The following NRG1 variants were observed in gnomAD, a reference collection of about 807,000 sequenced individuals.
NRG1 encodes neuregulin 1.
In NRG1, 18 loss-of-function variants were observed where a neutral mutation model predicts 63.8. That is an observed-to-expected ratio of 0.28 (90% CI 0.19 to 0.42). NRG1 has a LOEUF of 0.42. NRG1 is among the 10% of genes least tolerant of loss of function. NRG1 has a pLI of 1.00. For missense variants in NRG1, 762 were observed against 814.7 expected (o/e 0.94, Z 0.79); for synonymous variants, 302 against 301.3 (o/e 1.00, Z -0.02).
chr8:32,558,977 G>C lies in NRG1; in HGVS notation c.100+10151G>C, dbSNP rs139882842. On this transcript the variant is annotated intron_variant, in intron 1 of 11. Transcript: ENST00000356819. ...TGCCTGTGGTCCAGCTGTTAAGGAG[G>C]GTGAGATGGGAGGATCACTTGAGCC... Among the ~76,000 whole-genome samples, 36 of 151,116 alleles carry C rather than the reference G, an allele frequency of 2.4e-4. No individual in the cohort carries two copies. In the East Asian group the frequency reaches 6.9e-3, roughly 29 times the overall value.
chr8:32,299,006 A>G (rs577700097), intron 1 of NRG1, among the ~76,000 whole-genome samples: 1 of 146,958 alleles, frequency 6.8e-6, no homozygotes, highest in South Asian at 2.2e-4. Flanking sequence ...CAGCCTGGGG[A>G]CAAAGTTAGA....
chr8:32,511,312 C>A (rs1829170767), intron 1 of NRG1, among the ~76,000 whole-genome samples: 1 of 147,518 alleles, frequency 6.8e-6, no homozygotes, highest in Admixed American at 6.7e-5. Flanking sequence ...CACACACACA[C>A]ATTTACAAAT....
intron 1 of NRG1, among the ~76,000 whole-genome samples, chr8:32,021,857 G>A (rs930981248): frequency 6.6e-6 from 1 of 152,072 alleles, no homozygotes; most frequent in Non-Finnish European, 1.5e-5. Context: ...TGAAAATAAT[G>A]TTAACATTTT....
At chr8:32,709,927 C>A (rs1466706068) in intron 5 of NRG1, among the ~76,000 whole-genome samples, 1 of 152,094 alleles carries the variant, frequency 6.6e-6, no homozygotes, top group Non-Finnish European at 1.5e-5. Context: ...CAGTTATTTG[C>A]CATTAGTAAA....
chr8:31,844,707 A>G (rs576723767), intron 1 of NRG1, among the ~76,000 whole-genome samples: 7 of 152,288 alleles, frequency 4.6e-5, no homozygotes, highest in African/African-American at 7.2e-5. Flanking sequence ...ACCTACCCCC[A>G]AAAGGTTGCA....
At position 32,272,967 on chromosome 8, in the gene NRG1, G is replaced by T. The variant is rs371502157; in HGVS notation, c.38-322861G>T. The stretch of plus-strand genomic sequence containing the variant: ...CATATTTATTGAAGTTCAGAGGGCT[G>T]GAGCGTTGTTTTTTGATTGACAAAA... On this transcript the variant is annotated intron_variant, in intron 1 of 10. Transcript: ENST00000519301. Among the ~76,000 whole-genome samples, 13 of 152,262 alleles carry T rather than the reference G, an allele frequency of 8.5e-5. 1 individual carries two copies. The East Asian group carries it at 1.4e-3, about 16-fold the overall frequency.
At chr8:32,669,523 TAA>T (rs1246981019) in intron 5 of NRG1, among the ~76,000 whole-genome samples, 1 of 152,196 alleles carries the variant, frequency 6.6e-6, no homozygotes, top group African/African-American at 2.4e-5. Context: ...ACCCAATGGC[TAA>T]CCGTGTCTAG....
At chr8:31,827,545 A>G (rs1824691461) in intron 1 of NRG1, among the ~76,000 whole-genome samples, 1 of 152,226 alleles carries the variant, frequency 6.6e-6, no homozygotes, top group African/African-American at 2.4e-5. Flanking sequence ...AATTCTTGAG[A>G]TGAAAGGCTG....
intron 7 of NRG1, 150 bp from the exon 8 acceptor site, chr8:32,754,222 C>T: frequency 1.5e-6 from 1 of 680,322 alleles, no homozygotes. Flanking sequence ...CATGTTGTAC[C>T]TTAGCTATGT....
intron 7 of NRG1, among the ~76,000 whole-genome samples, chr8:32,744,277 G>A (rs548906549): frequency 3.3e-5 from 5 of 152,072 alleles, no homozygotes; most frequent in Non-Finnish European, 5.9e-5. Flanking sequence ...TAGGGAGGTA[G>A]TATTTATTTA....
At chr8:32,370,500 C>G (rs1466127472) in intron 1 of NRG1, among the ~76,000 whole-genome samples, 4 of 152,062 alleles carry the variant, frequency 2.6e-5, no homozygotes, top group African/African-American at 9.7e-5. Context: ...TATTTTCATT[C>G]AGTACAAGCA....
At chr8:32,576,056 A>G (rs1839569373) in intron 1 of NRG1, among the ~76,000 whole-genome samples, 1 of 152,230 alleles carries the variant, frequency 6.6e-6, no homozygotes, top group Non-Finnish European at 1.5e-5. Context: ...GTTTTGAAAT[A>G]TGCATACACT....
intron 5 of NRG1, among the ~76,000 whole-genome samples, chr8:32,679,334 C>T (rs1269468358): frequency 1.3e-5 from 2 of 152,074 alleles, no homozygotes; most frequent in African/African-American, 4.8e-5. Flanking sequence ...ATATATAGTA[C>T]ATGTTCATTT....
intron 1 of NRG1, among the ~76,000 whole-genome samples, chr8:32,386,046 G>A (rs930516105): frequency 2.6e-5 from 4 of 152,152 alleles, no homozygotes; most frequent in Non-Finnish European, 2.9e-5. Context: ...GCATGATTCT[G>A]TCTATGCTGT....
intron 1 of NRG1, among the ~76,000 whole-genome samples, chr8:31,922,461 T>A (rs1174338992): frequency 1.3e-5 from 2 of 152,216 alleles, no homozygotes; most frequent in Non-Finnish European, 2.9e-5. Context: ...TAAATGACTT[T>A]TATCTACCTT....
intron 1 of NRG1, among the ~76,000 whole-genome samples, chr8:32,212,252 T>C (rs1844772360): frequency 6.6e-6 from 1 of 152,182 alleles, no homozygotes; most frequent in African/African-American, 2.4e-5. Flanking sequence ...TTATACCATA[T>C]GGAAATTAAA....
intron 1 of NRG1, among the ~76,000 whole-genome samples, chr8:31,798,154 G>T (rs746483878): frequency 6.6e-6 from 1 of 152,104 alleles, no homozygotes; most frequent in Non-Finnish European, 1.5e-5. Context: ...GCACTGTAGG[G>T]TTAAATACAG....
chr8:31,758,153 A>T (rs1586189038), intron 1 of NRG1, among the ~76,000 whole-genome samples: 1 of 152,098 alleles, frequency 6.6e-6, no homozygotes, highest in East Asian at 1.9e-4. Context: ...GTGGTTTGCT[A>T]CACCCATCAA....
chr8:31,980,780 T>C (rs929926018), intron 1 of NRG1, among the ~76,000 whole-genome samples: 4 of 152,058 alleles, frequency 2.6e-5, no homozygotes, highest in African/African-American at 9.7e-5. Flanking sequence ...ATGATAATTA[T>C]TAATAGCAAT....
Sources: gnomAD v4.1 joint callset for allele counts (sites outside exome capture counted in the v4.1 genomes callset) on GRCh38, gnomAD v4.1.1 for gene constraint, MANE v1.5 for transcripts, NCBI Gene and HGNC (gene_info 2026-07-23, HGNC 2026-07-21) for gene names.